DNHD1: variants seen among roughly 807,000 people sequenced by gnomAD.
DNHD1 encodes the protein dynein heavy chain domain 1.
DNHD1 carries 383 observed loss-of-function variants against 458.1 expected under a neutral mutation model. That is an observed-to-expected ratio of 0.84 (90% CI 0.77 to 0.91). The LOEUF is 0.91. Ranked by LOEUF, DNHD1 falls within the 40% of genes least tolerant of loss-of-function variation. DNHD1 has a pLI of 0.00. For synonymous variants in DNHD1, 2,203 were observed against 2,376.9 expected (o/e 0.93, Z 2.13); for missense variants, 5,336 against 5,866.1 (o/e 0.91, Z 2.95).
intron 24 of DNHD1, among the ~76,000 whole-genome samples, chr11:6,551,345 AT>A: frequency 6.6e-6 from 1 of 152,350 alleles, no homozygotes; most frequent in Middle Eastern, 3.4e-3. Context: ...AGCTTTAAAT[AT>A]CTATCTTAGA....
chr11:6,539,342 G>A lies in DNHD1; in HGVS notation c.3420+29G>A, dbSNP rs1470219356. The A allele has an allele frequency of 1.1e-5, 17 of 1,504,156 alleles. No homozygotes were observed. In the Admixed American group the frequency reaches 3.0e-4, roughly 26 times the overall value. 93.2% of individuals were successfully genotyped at this position (1,504,156 alleles called of 1,614,324 possible). On this transcript the variant is annotated intron_variant, in intron 17 of 42. Transcript: ENST00000254579. ...GGGCCCTCAGTACAGGGGCGAGGGA[G>A]GTGGTCCAAAGCCAGGACCTGTAAT...
At chr11:6,536,370 A>G (rs1852949493) in intron 14 of DNHD1, among the ~76,000 whole-genome samples, 1 of 152,234 alleles carries the variant, frequency 6.6e-6, no homozygotes, top group South Asian at 2.1e-4. Context: ...AATATAATAT[A>G]TGAAATTTGG....
Position 6,558,255 on chromosome 11 carries a change from T to C in DNHD1, c.8960T>C (p.Leu2987Pro), listed in dbSNP as rs116082386. 1,365 of 1,551,568 alleles carry C rather than the reference T, an allele frequency of 8.8e-4. 10 individuals carry two copies. The African/African-American group carries it at 0.016, about 18-fold the overall frequency. ...RIGEHLPRENLGVKQNIKKEM... is the reference protein window; with the variant it reads ...RIGEHLPRENPGVKQNIKKEM... ...GGAGAACACCTCCCCAGGGAGAACC[T>C]TGGTGTCAAACAGAACATCAAGAAG... is the stretch of plus-strand genomic sequence containing the variant. The change falls in exon 25 of 43, where the codon CTT becomes CCT. Residue 2987 changes from leucine to proline, a missense_variant. By Grantham distance (98) the Leu-to-Pro change is moderately conservative (BLOSUM62 -3). Around this residue, in one of 4 missense-constraint regions of DNHD1, gnomAD observed 3,932 missense variants for 4,365.6 expected, o/e 0.90. Transcript: ENST00000254579.
At chr11:6,542,530 T>G (rs952147597) in intron 18 of DNHD1, among the ~76,000 whole-genome samples, 3 of 152,150 alleles carry the variant, frequency 2.0e-5, no homozygotes, top group Admixed American at 6.5e-5. Flanking sequence ...AGCACTTGTG[T>G]GGTTGAGGTT....
chr11:6,521,857 C>T (rs1852611476), intron 10 of DNHD1, among the ~76,000 whole-genome samples: 1 of 152,126 alleles, frequency 6.6e-6, no homozygotes, highest in Non-Finnish European at 1.5e-5. Flanking sequence ...GCTGGAACTG[C>T]AGGAACATAC....
chr11:6,543,910 G>C (rs922586965), intron 18 of DNHD1, among the ~76,000 whole-genome samples: 1 of 132,688 alleles, frequency 7.5e-6, no homozygotes, highest in African/African-American at 2.8e-5. Flanking sequence ...AGTGAGCTGA[G>C]ATCGTGCCAT....
At position 6,530,293 on chromosome 11, in the gene DNHD1, A is replaced by G. The variant is rs188572073; in HGVS notation, c.2347+1172A>G. Among the ~76,000 whole-genome samples, 548 of 151,886 alleles carry G rather than the reference A, an allele frequency of 3.6e-3. 3 individuals are homozygous for G. Among genetic ancestry groups the G allele is most frequent in the Admixed American group, 3.6e-3 (55 of 15,266 alleles). ...TCTACCCCTGCTAATTGAACGCCCAATTGTTGCTATCCCTGGGTCTCTGAG... is the reference window on the plus strand; with the variant it reads ...TCTACCCCTGCTAATTGAACGCCCAGTTGTTGCTATCCCTGGGTCTCTGAG... On this transcript the variant is annotated intron_variant, in intron 12 of 42. Coordinates refer to ENST00000254579, the MANE Select transcript of DNHD1 (RefSeq NM_144666.3).
At chr11:6,558,367 AT>A in intron 25 of DNHD1, 70 bp downstream of exon 25, 1 of 1,532,746 alleles carries the variant, frequency 6.5e-7, no homozygotes, top group Non-Finnish European at 8.8e-7. Flanking sequence ...GCCAAAAGGA[AT>A]TCTGTGGGCT....
In DNHD1 at chr11:6,544,733, G is replaced by A. The variant is rs1166670961; in HGVS notation, c.3853-59G>A. On this transcript the variant is annotated intron_variant, in intron 20 of 42. Coordinates refer to ENST00000254579, the MANE Select transcript of DNHD1 (RefSeq NM_144666.3). ...GTTCCTGAATAGCAGGGCTCAGCGT[G>A]GGAAAGGGGAGCTGCCACTTCATAT... 1.4e-5 allele frequency: 21 copies of A among 1,539,648 alleles called. No homozygotes were observed. The East Asian group carries it at 5.1e-4, about 38-fold the overall frequency.
chr11:6,545,591 G>A lies in DNHD1; in HGVS notation c.4652G>A (p.Arg1551Gln), dbSNP rs758112886. Reference protein sequence around the residue: ...RKLEVLVNFMRAQRASQGGQS... With the variant: ...RKLEVLVNFMQAQRASQGGQS... Reference sequence around the variant, plus strand: ...CTTGAGGTACTGGTGAATTTTATGCGGGCCCAGAGGGCTTCCCAAGGTGGG... The same window carrying A: ...CTTGAGGTACTGGTGAATTTTATGCAGGCCCAGAGGGCTTCCCAAGGTGGG... The change falls in exon 21 of 43, where the codon CGG becomes CAG. Residue 1551 changes from arginine to glutamine, a missense_variant. Coordinates refer to ENST00000254579, the MANE Select transcript of DNHD1 (RefSeq NM_144666.3). The surrounding 1 kb of genome is among the most constrained non-coding windows in gnomAD (Gnocchi z 4.9). 38 of 1,551,822 alleles carry A rather than the reference G, an allele frequency of 2.4e-5. No homozygotes were observed. Among genetic ancestry groups the A allele is most frequent in the Non-Finnish European group, 2.9e-5 (33 of 1,147,052 alleles).
chr11:6,562,879 T>C, intron 28 of DNHD1, 103 bp from the exon 29 acceptor site: 1 of 1,370,888 alleles, frequency 7.3e-7, no homozygotes, highest in Non-Finnish European at 9.8e-7. Flanking sequence ...GTGGTCAGTC[T>C]TTCAAGTGAG....
At chr11:6,529,806 G>A (rs1388428551) in intron 12 of DNHD1, among the ~76,000 whole-genome samples, 1 of 152,170 alleles carries the variant, frequency 6.6e-6, no homozygotes, top group Admixed American at 6.5e-5. Flanking sequence ...TCCTGGGCTG[G>A]TAGAGCTGCG....
chr11:6,526,452 T>G (rs377677735), intron 10 of DNHD1, among the ~76,000 whole-genome samples: 12 of 152,212 alleles, frequency 7.9e-5, no homozygotes, highest in African/African-American at 2.9e-4. Context: ...CGCTTTGTTT[T>G]TTTCTTATAA....
At position 6,520,741 on chromosome 11, in the gene DNHD1, G is replaced by A. The variant is rs148891289; in HGVS notation, c.1837+452G>A. 1.9e-3 allele frequency: 1,912 copies of A among 1,004,098 alleles called. 25 individuals carry two copies. In the African/African-American group the frequency reaches 0.03, roughly 16 times the overall value. 62.2% of individuals were successfully genotyped at this position (1,004,098 alleles called of 1,614,324 possible). A position where few individuals can be genotyped will look rare whatever the true frequency, so the allele number is the denominator to read the frequency against. ...ATTCATTGTATTGAAATATTTTATG[G>A]TTACCAATTATTATTGGTTATCAGT... On this transcript the variant is annotated intron_variant, in intron 10 of 42. Transcript: ENST00000254579.
At chr11:6,527,912 T>A (rs1420634142) in intron 10 of DNHD1, among the ~76,000 whole-genome samples, 1 of 152,242 alleles carries the variant, frequency 6.6e-6, no homozygotes, top group Non-Finnish European at 1.5e-5. Context: ...GACAGATAAC[T>A]GAGGACTGGC....
intron 7 of DNHD1, among the ~76,000 whole-genome samples, chr11:6,515,655 T>C (rs1280325878): frequency 6.6e-6 from 1 of 152,102 alleles, no homozygotes; most frequent in Non-Finnish European, 1.5e-5. Context: ...CTGAAGATCA[T>C]TCCTTCAATA....
At chr11:6,534,278 C>G (rs761672170) in intron 14 of DNHD1, 105 bp downstream of exon 14, 1 of 1,187,042 alleles carries the variant, frequency 8.4e-7, no homozygotes, top group East Asian at 2.6e-5. Context: ...CCCAAGCAAG[C>G]CTTGGGAATC....
Position 6,564,417 on chromosome 11 carries a change from T to C in DNHD1, c.10369T>C (p.Leu3457=), listed in dbSNP as rs545440204. Residue 3457 remains leucine (L), a synonymous_variant, in exon 32 of 43, where the codon TTG becomes CTG. Transcript: ENST00000254579. The part of the protein sequence containing the change: ...AIIYLGPFPP[L]RRQELLDEWL... The stretch of plus-strand genomic sequence containing the variant: ...CATCTACCTGGGTCCCTTCCCACCA[T>C]TGCGGCGCCAAGAGCTACTGGACGA... 1.2e-5 allele frequency: 19 copies of C among 1,551,696 alleles called. No individual in the cohort carries two copies. The Admixed American group carries it at 1.4e-4, about 11-fold the overall frequency.
In DNHD1 at chr11:6,511,359, C is replaced by A; in HGVS notation, c.1322C>A (p.Ala441Asp). 6.2e-7 allele frequency: 1 copy of A among 1,614,226 alleles called. No individual in the cohort carries two copies. The highest frequency in any genetic ancestry group is 8.5e-7 in the Non-Finnish European group (1 of 1,180,036). Residue 441 changes from alanine to aspartate, a missense_variant, in exon 7 of 43, where the codon GCC (alanine) becomes GAC (aspartate). Transcript: ENST00000254579. The stretch of plus-strand genomic sequence containing the variant: ...CTGCTGGACCTGCAGACGGCTCTAG[C>A]CGAGGAGAAGCATAAGGCTCTACGG... Reference protein sequence around the residue: ...YELLDLQTALAEEKHKALRLL... With the variant: ...YELLDLQTALDEEKHKALRLL...
Sources: allele counts gnomAD v4.1 joint callset (sites outside exome capture counted in the v4.1 genomes callset), GRCh38; gene constraint gnomAD v4.1.1; regional missense constraint gnomAD v4.1.1; non-coding constraint Gnocchi (gnomAD v3.1); transcripts MANE v1.5; gene names NCBI Gene and HGNC (gene_info 2026-07-23, HGNC 2026-07-21).